Variants in VSIG10 observed in about 807,000 individuals in gnomAD.
VSIG10 encodes the protein V-set and immunoglobulin domain-containing protein 10.
Under a neutral mutation model 58.7 loss-of-function variants are expected in VSIG10, and 48 were observed. That is an observed-to-expected ratio of 0.82 (90% CI 0.65 to 1.04). The LOEUF (loss-of-function observed/expected upper bound fraction) is 1.04. VSIG10 is among the 50% of genes least tolerant of loss of function. VSIG10 has a pLI of 0.00. For missense variants in VSIG10, 628 were observed against 670.0 expected (o/e 0.94, Z 0.69); for synonymous variants, 260 against 267.1 (o/e 0.97, Z 0.26).
intron 4 of VSIG10, 27 bp from the exon 5 acceptor site, chr12:118,074,019 A>C: frequency 6.6e-7 from 1 of 1,522,790 alleles, no homozygotes; most frequent in Non-Finnish European, 8.8e-7. Flanking sequence ...AAACAAAGAC[A>C]AATGTTTAAA....
At chr12:118,075,138 ATATATGTGTATATGTATATATATG>A (rs1379473808) in intron 4 of VSIG10, among the ~76,000 whole-genome samples, 5 of 137,466 alleles carry the variant, frequency 3.6e-5, no homozygotes, top group Non-Finnish European at 7.7e-5. Flanking sequence ...GTATATATGT[ATATATGTGTATATGTATATATATG>A]TATATATATG....
intron 2 of VSIG10, among the ~76,000 whole-genome samples, chr12:118,087,976 T>C (rs2033179206): frequency 6.6e-6 from 1 of 151,736 alleles, no homozygotes. Context: ...CTGGGCGCGG[T>C]GGCTCATGCC....
At chr12:118,096,764 C>T (rs1166980802) in intron 1 of VSIG10, among the ~76,000 whole-genome samples, 2 of 149,784 alleles carry the variant, frequency 1.3e-5, no homozygotes, top group African/African-American at 4.9e-5. Context: ...AGCAGCTGGG[C>T]GTAGCGGCTC....
chr12:118,097,904 CAA>C (rs892408651), intron 1 of VSIG10, among the ~76,000 whole-genome samples: 2 of 152,066 alleles, frequency 1.3e-5, no homozygotes, highest in African/African-American at 4.8e-5. Flanking sequence ...GCCTGGGTGA[CAA>C]GAGTGAAACT....
intron 2 of VSIG10, among the ~76,000 whole-genome samples, chr12:118,092,493 G>C (rs1344622612): frequency 6.6e-6 from 1 of 152,070 alleles, no homozygotes; most frequent in Non-Finnish European, 1.5e-5. Flanking sequence ...AAGCCCATAG[G>C]ATCTATGTTA....
At chr12:118,083,007 G>A (rs2033008473) in intron 2 of VSIG10, among the ~76,000 whole-genome samples, 1 of 150,722 alleles carries the variant, frequency 6.6e-6, no homozygotes, top group Non-Finnish European at 1.5e-5. Context: ...CAGCTACTAG[G>A]GAGGCTGAGG....
At chr12:118,079,683 A>G in intron 3 of VSIG10, 77 bp from the exon 4 acceptor site, 1 of 1,567,504 alleles carries the variant, frequency 6.4e-7, no homozygotes. Flanking sequence ...TAAGGATGGC[A>G]GAACCAGGGT....
chr12:118,086,306 A>G (rs896095011), intron 2 of VSIG10, among the ~76,000 whole-genome samples: 6 of 151,934 alleles, frequency 3.9e-5, no homozygotes, highest in African/African-American at 1.5e-4. Flanking sequence ...TGTCCCTACT[A>G]AAAACACAAA....
At chr12:118,081,138 G>A (rs897446713) in intron 3 of VSIG10, among the ~76,000 whole-genome samples, 3 of 151,898 alleles carry the variant, frequency 2.0e-5, no homozygotes, top group Non-Finnish European at 1.5e-5. Flanking sequence ...CTACTCTGGA[G>A]GCTGAGGTGT....
intron 2 of VSIG10, among the ~76,000 whole-genome samples, chr12:118,083,981 G>A (rs759583872): frequency 5.9e-5 from 9 of 152,136 alleles, no homozygotes; most frequent in Non-Finnish European, 1.3e-4. Context: ...TTTGCCAGGC[G>A]TGGTGGTGCA....
chr12:118,095,923 CTT>C (rs1030344556), intron 1 of VSIG10, 109 bp from the exon 2 acceptor site: 24,639 of 738,258 alleles, frequency 0.033, no homozygotes, highest in East Asian at 0.048. Flanking sequence ...GGTATATGTT[CTT>C]TTTTTTTTTT....
chr12:118,070,878 G>A, intron 7 of VSIG10, 174 bp downstream of exon 7: 1 of 746,258 alleles, frequency 1.3e-6, no homozygotes, highest in Non-Finnish European at 2.3e-6. Flanking sequence ...CCACCCTGAG[G>A]AGATGATGAA....
intron 4 of VSIG10, among the ~76,000 whole-genome samples, chr12:118,074,476 G>T (rs941139753): frequency 6.6e-6 from 1 of 150,742 alleles, no homozygotes; most frequent in Non-Finnish European, 1.5e-5. Flanking sequence ...TTTCAGAAAT[G>T]AACAATTTTT....
chr12:118,082,038 A>AC, intron 3 of VSIG10, 89 bp downstream of exon 3: 1 of 1,197,746 alleles, frequency 8.3e-7, no homozygotes, highest in Non-Finnish European at 1.1e-6. Flanking sequence ...AAAAAAAAAA[A>AC]GACAAATGGG....
chr12:118,097,847 C>T (rs974527166), intron 1 of VSIG10, among the ~76,000 whole-genome samples: 4 of 151,932 alleles, frequency 2.6e-5, no homozygotes, highest in Admixed American at 2.0e-4. Context: ...CACTTGAACC[C>T]GGGAGGCGGA....
At chr12:118,068,346 CTGTT>C (rs1186414229) in intron 8 of VSIG10, 27 bp downstream of exon 8, 17 of 1,599,784 alleles carry the variant, frequency 1.1e-5, no homozygotes, top group Admixed American at 1.7e-5. Context: ...TGTTTGTTTT[CTGTT>C]TGTTTGTTTA....
intron 2 of VSIG10, among the ~76,000 whole-genome samples, chr12:118,090,650 ATTC>A (rs562323442): frequency 3.0e-4 from 45 of 152,206 alleles, no homozygotes; most frequent in Non-Finnish European, 5.4e-4. Flanking sequence ...AATTGGCAGA[ATTC>A]TTCTCCTTTT....
intron 4 of VSIG10, among the ~76,000 whole-genome samples, chr12:118,077,613 C>A (rs2032780663): frequency 6.6e-6 from 1 of 152,146 alleles, no homozygotes. Context: ...GGACTTATTT[C>A]TAAGACACAG....
intron 1 of VSIG10, among the ~76,000 whole-genome samples, chr12:118,097,087 T>C (rs560336045): frequency 6.6e-6 from 1 of 152,220 alleles, no homozygotes; most frequent in African/African-American, 2.4e-5. Flanking sequence ...ACGTCTGGTA[T>C]GTTGGGACTC....
Sources: gnomAD v4.1 joint callset for allele counts (sites outside exome capture counted in the v4.1 genomes callset) on GRCh38, gnomAD v4.1.1 for gene constraint, MANE v1.5 for transcripts, NCBI Gene and HGNC (gene_info 2026-07-23, HGNC 2026-07-21) for gene names.